SPATA21: variants seen among roughly 807,000 people sequenced by gnomAD.
SPATA21 encodes the protein spermatogenesis-associated protein 21.
A neutral mutation model predicts 54.8 loss-of-function variants in SPATA21; 47 were observed. The ratio of observed to expected loss-of-function variants is 0.86; its 90% confidence interval spans 0.68 to 1.09. The LOEUF (loss-of-function observed/expected upper bound fraction) is 1.09, where lower values mean the gene tolerates loss of function less well. Ranked by LOEUF, SPATA21 falls within the 50% of genes least tolerant of loss-of-function variation. The pLI, the probability that SPATA21 is intolerant of heterozygous loss-of-function variation, is 0.00. For synonymous variants in SPATA21, 245 were observed against 235.3 expected, an observed-to-expected ratio of 1.04 and a Z score of -0.38; for missense variants, 599 against 596.4, an observed-to-expected ratio of 1.00 and a Z score of -0.05.
intron 7 of SPATA21, among the ~76,000 whole-genome samples, chr1:16,408,141 C>T (rs1051150445): frequency 2.6e-5 from 4 of 151,994 alleles, no homozygotes; most frequent in African/African-American, 7.3e-5. Context: ...GAGCATCCAG[C>T]GAAGACAGAG....
Position 16,398,802 on chromosome 1 carries a change from C to G in SPATA21, c.1373G>C (p.Arg458Thr). The G allele has an allele frequency of 6.2e-7, 1 of 1,613,584 alleles. No individual in the cohort carries two copies. The highest frequency in any genetic ancestry group is 8.5e-7 in the Non-Finnish European group (1 of 1,179,730). ...AGCTGGCACAGAGCTGAGCCACTTT[C>G]TGCTGTCAGAGTTGTGTTCCCTGGG... ...QGNREHNSDS[R>T]KWLSSVPART... The change falls in exon 13 of 13, where the codon AGA (arginine) becomes ACA (threonine). Residue 458 changes from arginine (R) to threonine (T), a missense_variant. Arg to Thr is a moderately conservative substitution (Grantham distance 71). Coordinates refer to ENST00000335496, the MANE Select transcript of SPATA21 (RefSeq NM_198546.1).
intron 3 of SPATA21, chr1:16,422,295 T>G: frequency 8.8e-7 from 1 of 1,142,524 alleles, no homozygotes; most frequent in Non-Finnish European, 1.1e-6. Flanking sequence ...ACACACTTAC[T>G]AGGGTCCCAG....
rs1570228646 is a variant in SPATA21, at chr1:16,433,164, G to A, written c.-186-240C>T. ...AACGTCAGGCCTTAGGGGATACACT[G>A]GGTGTCCTGACGGTTCCCACAGTTT... On this transcript the variant is annotated intron_variant, in intron 1 of 12. Transcript: ENST00000335496. Among the ~76,000 whole-genome samples, 7 of 152,366 alleles carry A rather than the reference G, an allele frequency of 4.6e-5. No homozygotes were observed. In the South Asian group the frequency reaches 1.4e-3, roughly 32 times the overall value.
At chr1:16,403,483 CTTT>C (rs1229942098) in intron 10 of SPATA21, among the ~76,000 whole-genome samples, 3 of 117,116 alleles carry the variant, frequency 2.6e-5, no homozygotes, top group African/African-American at 8.7e-5. Flanking sequence ...TAGTTTTTTT[CTTT>C]TTTTTCTTTT....
chr1:16,409,527 G>A lies in SPATA21; in HGVS notation c.587+74C>T. 1 of 1,481,018 alleles carries A rather than the reference G, an allele frequency of 6.8e-7. No homozygotes were observed. The highest frequency in any genetic ancestry group is 9.1e-7 in the Non-Finnish European group (1 of 1,098,320). The allele number at this position is 1,481,018 out of a possible 1,614,324, so 91.7% of individuals were successfully genotyped here. On this transcript the variant is annotated intron_variant, in intron 6 of 12. Transcript: ENST00000335496. This position sits in a 1 kb window ranked among gnomAD's most constrained non-coding sequence, Gnocchi z 4.1. Reference sequence around the variant, plus strand: ...AGGGAACAGGCAGGTGCAGGGACAGGGACCTGCATCCGGGACAAGGCTCTG... The same window carrying A: ...AGGGAACAGGCAGGTGCAGGGACAGAGACCTGCATCCGGGACAAGGCTCTG...
rs1427059338 is a variant in SPATA21 at position 16,431,338 on chromosome 1, C to G, written c.34G>C (p.Glu12Gln). The change falls in exon 3 of 13, where the codon GAG becomes CAG. Residue 12 changes from glutamate to glutamine, a missense_variant and splice_region_variant. Physicochemically the swap from Glu to Gln is conservative, Grantham distance 29. Transcript: ENST00000335496. ...DNRNTQMYTE[E>Q]EKTVNPFLPS... ...TGCGTCCCTGGAGCCTTGGTTCTAC[C>G]CTCCGTGTACATCTGGGTGTTTCTA... 8 of 1,614,096 alleles carry G rather than the reference C, an allele frequency of 5.0e-6. No homozygotes were observed. Among genetic ancestry groups the G allele is most frequent in the Non-Finnish European group, 5.9e-6 (7 of 1,180,012 alleles).
At chr1:16,399,301 A>G (rs768481302) in intron 12 of SPATA21, 43 bp downstream of exon 12, 1 of 1,550,648 alleles carries the variant, frequency 6.4e-7, no homozygotes, top group Admixed American at 2.0e-5. Context: ...TTAAGGAAGA[A>G]TCTGGAAGGG....
At chr1:16,414,215 G>A (rs1186900628) in intron 5 of SPATA21, among the ~76,000 whole-genome samples, 3 of 151,836 alleles carry the variant, frequency 2.0e-5, no homozygotes, top group Admixed American at 6.6e-5. Context: ...ACAGATGTGC[G>A]CCACCACAGC....
intron 10 of SPATA21, among the ~76,000 whole-genome samples, chr1:16,401,392 C>G (rs1570084733): frequency 6.6e-6 from 1 of 152,100 alleles, no homozygotes; most frequent in East Asian, 1.9e-4. Context: ...AACTCCTGGG[C>G]TCAACTGATC....
intron 5 of SPATA21, among the ~76,000 whole-genome samples, chr1:16,420,157 G>C (rs2086128182): frequency 6.6e-6 from 1 of 152,074 alleles, no homozygotes; most frequent in Non-Finnish European, 1.5e-5. Context: ...CCTGGAGAAG[G>C]CAGCATTGAG....
At chr1:16,424,269 C>T (rs937482908) in intron 3 of SPATA21, among the ~76,000 whole-genome samples, 44 of 52,934 alleles carry the variant, frequency 8.3e-4, no homozygotes, top group African/African-American at 1.3e-3. Context: ...GCCGAGATTG[C>T]GCCACTGCAC....
Position 16,424,450 on chromosome 1 carries a change from C to T in SPATA21, c.35-2479G>A, listed in dbSNP as rs187313119. On this transcript the variant is annotated intron_variant, in intron 3 of 12. Coordinates refer to ENST00000335496, the MANE Select transcript of SPATA21 (RefSeq NM_198546.1). ...TTTTATTTTTTTTGAGACAGGGTTTCACTCTGTCACCCAGGCTGGAGCACA... is the reference window on the plus strand; with the variant it reads ...TTTTATTTTTTTTGAGACAGGGTTTTACTCTGTCACCCAGGCTGGAGCACA... Among the ~76,000 whole-genome samples, 85 of 150,344 alleles carry T rather than the reference C, an allele frequency of 5.7e-4. 2 individuals carry two copies. Among genetic ancestry groups the T allele is most frequent in the Admixed American group, 2.5e-3 (37 of 15,040 alleles).
rs545834924 is a variant in SPATA21, at chr1:16,399,561, A to C, written c.1175-40T>G. 3.1e-6 allele frequency: 5 copies of C among 1,593,804 alleles called. No homozygotes were observed. In the Admixed American group the frequency reaches 8.7e-5, roughly 28 times the overall value. The stretch of plus-strand genomic sequence containing the variant: ...GGCAGAAGGAGGAATGCTTCACAGC[A>C]TGCCCAGCCTTGGGAAGCAGGCAGA... On this transcript the variant is annotated intron_variant, in intron 11 of 12. Transcript: ENST00000335496.
chr1:16,399,380 C>T lies in SPATA21; in HGVS notation c.1316G>A (p.Arg439His), dbSNP rs556762299. The change falls in exon 12 of 13, where the codon CGC (arginine) becomes CAC (histidine). Residue 439 changes from arginine to histidine, a missense_variant. By Grantham distance (29) the Arg-to-His change is conservative. Coordinates refer to ENST00000335496, the MANE Select transcript of SPATA21 (RefSeq NM_198546.1). ...CTPPGLDPDI[R>H]SPFFQSGSQG... is the part of the protein sequence containing the mutation. ...AGATCCTGACTGGAAGAAGGGGCTG[C>T]GGATGTCAGGATCCAGGCCAGGGGG... 26 of 1,613,792 alleles carry T rather than the reference C, an allele frequency of 1.6e-5. No individual in the cohort carries two copies. Among genetic ancestry groups the T allele is most frequent in the African/African-American group, 2.7e-5 (2 of 75,014 alleles).
At chr1:16,400,933 T>A (rs374559670) in intron 10 of SPATA21, 41 bp from the exon 11 acceptor site, 2 of 1,592,496 alleles carry the variant, frequency 1.3e-6, no homozygotes, top group Non-Finnish European at 8.6e-7. Context: ...TGGCTGTGTT[T>A]AATTCACCCT....
intron 5 of SPATA21, chr1:16,410,817 A>T (rs978637243): frequency 2.5e-6 from 1 of 405,712 alleles, no homozygotes; most frequent in African/African-American, 2.1e-5. Context: ...AAGTGCTGGG[A>T]TGACAAGCGT....
chr1:16,411,110 ACT>A (rs1285983155), intron 5 of SPATA21, among the ~76,000 whole-genome samples: 2 of 149,876 alleles, frequency 1.3e-5, no homozygotes, highest in African/African-American at 5.1e-5. Flanking sequence ...CTTACCACAC[ACT>A]CTCTCTTCCT....
At chr1:16,407,684 T>C (rs2085688190) in intron 7 of SPATA21, among the ~76,000 whole-genome samples, 1 of 152,076 alleles carries the variant, frequency 6.6e-6, no homozygotes, top group Non-Finnish European at 1.5e-5. Context: ...GGTCTCGAAC[T>C]CCTGACCTCG....
At chr1:16,424,865 C>T (rs370809833) in intron 3 of SPATA21, 1 of 262,760 alleles carries the variant, frequency 3.8e-6, no homozygotes, top group South Asian at 3.8e-5. Flanking sequence ...CTCCCTCCCC[C>T]CTGCACCCAT....
Sources: gnomAD v4.1 joint callset for allele counts (sites outside exome capture counted in the v4.1 genomes callset) on GRCh38, gnomAD v4.1.1 for gene constraint, Gnocchi (gnomAD v3.1) non-coding constraint, MANE v1.5 for transcripts, NCBI Gene and HGNC (gene_info 2026-07-23, HGNC 2026-07-21) for gene names.